LRRC37A3: variants seen among roughly 807,000 people sequenced by gnomAD.
LRRC37A3 encodes the protein leucine rich repeat containing 37 member A3.
A neutral mutation model predicts 106.2 loss-of-function variants in LRRC37A3; 25 were observed. The ratio of observed to expected loss-of-function variants is 0.24; its 90% confidence interval spans 0.17 to 0.33. The LOEUF (loss-of-function observed/expected upper bound fraction) is 0.33. LRRC37A3 is among the 10% of genes least tolerant of loss of function. The pLI is 1.00. For synonymous variants in LRRC37A3, 305 were observed against 635.8 expected (o/e 0.48, Z 7.83); for missense variants, 712 against 1,644.9 (o/e 0.43, Z 9.81).
chr17:64,871,261 G>A (rs979846488), intron 8 of LRRC37A3, among the ~76,000 whole-genome samples: 4 of 151,946 alleles, frequency 2.6e-5, no homozygotes, highest in African/African-American at 7.3e-5. Flanking sequence ...AGCAGGGCAC[G>A]GCAGTGCTTG....
chr17:64,878,654 T>C (rs372533517), intron 8 of LRRC37A3, among the ~76,000 whole-genome samples: 4 of 152,182 alleles, frequency 2.6e-5, no homozygotes, highest in East Asian at 1.9e-4. Flanking sequence ...CTCACTGGGA[T>C]GGCTATGAGA....
intron 8 of LRRC37A3, among the ~76,000 whole-genome samples, chr17:64,879,890 C>A (rs1479492487): frequency 6.6e-5 from 10 of 152,060 alleles, no homozygotes; most frequent in East Asian, 5.8e-4. Context: ...CAAAGTGAGA[C>A]CCTGTTTCTA....
Position 64,859,485 on chromosome 17 carries a change from T to A in LRRC37A3, c.4661A>T (p.Glu1554Val), listed in dbSNP as rs754382730. ...CTGTTCACTCTGGGCTTCTGTGCTC[T>A]CATTAATGTAGTTCTCAGTCTTCCA... ...DQWKTENYINESTEAQSEQKE... is the reference protein window; with the variant it reads ...DQWKTENYINVSTEAQSEQKE... Residue 1554 changes from glutamate to valine, a missense_variant, in exon 12 of 15, where the codon GAG (glutamate) becomes GTG (valine). Transcript: ENST00000584306. 119 of 1,611,712 alleles carry A rather than the reference T, an allele frequency of 7.4e-5. No individual in the cohort carries two copies. The highest frequency in any genetic ancestry group is 9.7e-5 in the Non-Finnish European group (115 of 1,179,756).
intron 10 of LRRC37A3, among the ~76,000 whole-genome samples, chr17:64,867,971 G>A (rs1373398993): frequency 6.6e-6 from 1 of 152,180 alleles, no homozygotes; most frequent in Non-Finnish European, 1.5e-5. Flanking sequence ...CTACTCGGAA[G>A]GCTGAGGCAG....
chr17:64,861,285 CA>C (rs1470610292), intron 11 of LRRC37A3, among the ~76,000 whole-genome samples: 1 of 152,222 alleles, frequency 6.6e-6, no homozygotes, highest in Non-Finnish European at 1.5e-5. Context: ...AGGTGGAAGA[CA>C]AGTGCTTCCC....
At chr17:64,858,256 G>A (rs1972746817) in intron 13 of LRRC37A3, among the ~76,000 whole-genome samples, 1 of 152,202 alleles carries the variant, frequency 6.6e-6, no homozygotes, top group African/African-American at 2.4e-5. Context: ...GTAAAAGATG[G>A]CTACTCTGTA....
chr17:64,868,573 C>A lies in LRRC37A3; in HGVS notation c.2979-37G>T, dbSNP rs771156339. 4 of 1,570,812 alleles carry A rather than the reference C, an allele frequency of 2.5e-6. No homozygotes were observed. In the African/African-American group the frequency reaches 5.5e-5, roughly 21 times the overall value. Reference sequence around the variant, plus strand: ...AGCCGAAACATTCATGATATGAGCCCCAATAAAAAATTCTGTACTTAACAA... The same window carrying A: ...AGCCGAAACATTCATGATATGAGCCACAATAAAAAATTCTGTACTTAACAA... On this transcript the variant is annotated intron_variant, in intron 9 of 14. Transcript: ENST00000584306.
chr17:64,893,814 TA>T (rs1974037812), intron 4 of LRRC37A3, among the ~76,000 whole-genome samples: 1 of 148,100 alleles, frequency 6.8e-6, no homozygotes, highest in Non-Finnish European at 1.5e-5. Context: ...CATGCCTGGC[TA>T]ATTTTTTTCT....
intron 2 of LRRC37A3, among the ~76,000 whole-genome samples, chr17:64,910,946 G>A (rs1414258805): frequency 2.0e-5 from 3 of 151,628 alleles, no homozygotes; most frequent in African/African-American, 7.3e-5. Context: ...CTGGCCTATA[G>A]AGTGCTTTCT....
intron 2 of LRRC37A3, among the ~76,000 whole-genome samples, chr17:64,902,173 AT>A (rs1474409560): frequency 2.6e-5 from 4 of 152,288 alleles, no homozygotes; most frequent in African/African-American, 9.6e-5. Context: ...AATATCCGCA[AT>A]AAGGTTGATT....
intron 2 of LRRC37A3, chr17:64,901,323 G>C (rs1479179014): frequency 2.0e-5 from 3 of 150,998 alleles, no homozygotes; most frequent in Non-Finnish European, 2.9e-5. Flanking sequence ...CACCAGGTGG[G>C]GGGTCGAAGT....
intron 5 of LRRC37A3, among the ~76,000 whole-genome samples, chr17:64,890,725 G>A (rs1336610020): frequency 6.8e-6 from 1 of 146,734 alleles, no homozygotes; most frequent in African/African-American, 2.8e-5. Context: ...CCAGCTACGC[G>A]GGAGGCTGAG....
At chr17:64,878,131 T>G (rs1215803223) in intron 8 of LRRC37A3, among the ~76,000 whole-genome samples, 2 of 152,240 alleles carry the variant, frequency 1.3e-5, no homozygotes, top group Non-Finnish European at 2.9e-5. Context: ...TGGATTTTTT[T>G]TCTTTTAAAA....
chr17:64,890,204 C>T (rs1010054290), intron 5 of LRRC37A3, among the ~76,000 whole-genome samples: 1 of 138,812 alleles, frequency 7.2e-6, no homozygotes, highest in Non-Finnish European at 1.5e-5. Flanking sequence ...CTATAATGTG[C>T]ATAAAGTGCA....
At position 64,860,752 on chromosome 17, in the gene LRRC37A3, G is replaced by A. The variant is rs751741084; in HGVS notation, c.3394C>T (p.Leu1132=). 5.0e-6 allele frequency: 8 copies of A among 1,614,036 alleles called. No individual in the cohort carries two copies. Among genetic ancestry groups the A allele is most frequent in the Non-Finnish European group, 6.8e-6 (8 of 1,179,946 alleles). Residue 1132 remains leucine (L), a synonymous_variant, in exon 12 of 15, where the codon CTA becomes TTA. Coordinates refer to ENST00000584306, the MANE Select transcript of LRRC37A3 (RefSeq NM_199340.5). The part of the protein sequence containing the change: ...YILPYFSAVN[L]DVKSLLLPFI... ...GGTAGTAACAGTGATTTCACATCTAGGTTAACGGCTGAGAAATAAGGTAAG... is the reference window on the plus strand; with the variant it reads ...GGTAGTAACAGTGATTTCACATCTAAGTTAACGGCTGAGAAATAAGGTAAG...
At chr17:64,859,274 T>C (rs543026601) in intron 12 of LRRC37A3, among the ~76,000 whole-genome samples, 168 bp downstream of exon 12, 1 of 152,076 alleles carries the variant, frequency 6.6e-6, no homozygotes, top group Non-Finnish European at 1.5e-5. Context: ...TGTGCCCTAA[T>C]CTATTTCACT....
At chr17:64,893,994 C>G (rs1252900003) in intron 4 of LRRC37A3, among the ~76,000 whole-genome samples, 5 of 146,650 alleles carry the variant, frequency 3.4e-5, no homozygotes, top group Non-Finnish European at 7.4e-5. Context: ...CAGTAGCATA[C>G]TTGGCCCTGG....
chr17:64,859,885 G>C lies in LRRC37A3; in HGVS notation c.4261C>G (p.His1421Asp), dbSNP rs1440056238. 6.2e-7 allele frequency: 1 copy of C among 1,613,324 alleles called. No individual in the cohort carries two copies. Among genetic ancestry groups the C allele is most frequent in the Non-Finnish European group, 8.5e-7 (1 of 1,179,860 alleles). The part of the protein sequence containing the change: ...GTISENTNYN[H>D]PPEADSAGTA... ...CCAGCGGAATCTGCCTCAGGAGGAT[G>C]ATTGTAGTTTGTGTTTTCAGAGATG... The change falls in exon 12 of 15, where the codon CAT becomes GAT. Residue 1421 changes from histidine to aspartate, a missense_variant. His to Asp is a moderately conservative substitution (Grantham distance 81). Coordinates refer to ENST00000584306, the MANE Select transcript of LRRC37A3 (RefSeq NM_199340.5).
At chr17:64,855,716 C>T (rs1326705279) in intron 14 of LRRC37A3, 124 bp downstream of exon 14, 25 of 1,484,130 alleles carry the variant, frequency 1.7e-5, no homozygotes, top group Non-Finnish European at 1.9e-5. Flanking sequence ...GCAGGAGAAT[C>T]GCTTGAACCT....
Sources: allele counts gnomAD v4.1 joint callset (sites outside exome capture counted in the v4.1 genomes callset), GRCh38; gene constraint gnomAD v4.1.1; transcripts MANE v1.5; gene names NCBI Gene and HGNC (gene_info 2026-07-23, HGNC 2026-07-21).